Variants in DCC observed in about 807,000 individuals in gnomAD.
DCC encodes DCC netrin 1 receptor.
DCC carries 58 observed loss-of-function variants against 172.5 expected under a neutral mutation model. The ratio of observed to expected loss-of-function variants is 0.34; its 90% CI spans 0.27 to 0.42. The LOEUF is 0.42. DCC is among the 10% of genes least tolerant of loss of function. The pLI, the probability that DCC is intolerant of heterozygous loss-of-function variation, is 1.00. For missense variants in DCC, 1,740 were observed against 1,791.0 expected (o/e 0.97, Z 0.51); for synonymous variants, 709 against 644.5 (o/e 1.10, Z -1.52).
At chr18:52,438,539 A>G (rs1987869762) in intron 1 of DCC, among the ~76,000 whole-genome samples, 1 of 152,248 alleles carries the variant, frequency 6.6e-6, no homozygotes, top group Admixed American at 6.5e-5. Context: ...TAATTGTTCC[A>G]AACAAAAGTT....
At chr18:53,208,078 A>G (rs146127854) in intron 11 of DCC, among the ~76,000 whole-genome samples, 60 of 151,738 alleles carry the variant, frequency 4.0e-4, no homozygotes, top group African/African-American at 1.4e-3. Context: ...CACCTGAACA[A>G]CATAGTGAGA....
At chr18:53,017,663 T>A (rs1338523658) in intron 5 of DCC, among the ~76,000 whole-genome samples, 1 of 152,178 alleles carries the variant, frequency 6.6e-6, no homozygotes, top group Non-Finnish European at 1.5e-5. Flanking sequence ...CTAGGAATTA[T>A]CACTCCTTCT....
chr18:53,075,739 T>C (rs925819181), intron 7 of DCC, among the ~76,000 whole-genome samples: 1 of 152,206 alleles, frequency 6.6e-6, no homozygotes, highest in African/African-American at 2.4e-5. Context: ...ATGTAGATGC[T>C]GTGCTTATAT....
intron 14 of DCC, among the ~76,000 whole-genome samples, chr18:53,330,116 G>A (rs2057513883): frequency 6.6e-6 from 1 of 152,118 alleles, no homozygotes; most frequent in African/African-American, 2.4e-5. Context: ...ATTCAAAACT[G>A]GAAAGGCCCC....
At chr18:52,668,929 C>A (rs1040483844) in intron 1 of DCC, among the ~76,000 whole-genome samples, 1 of 152,174 alleles carries the variant, frequency 6.6e-6, no homozygotes, top group African/African-American at 2.4e-5. Flanking sequence ...CTGTCCGCTG[C>A]CTAGCAGAGC....
At position 52,473,377 on chromosome 18, in the gene DCC, A is replaced by T. The variant is rs935038491; in HGVS notation, c.91+132499A>T. ...TCTCTCAAGTCAATTGGCATCTCCA[A>T]TGATCCATTACCTTCCTCCATTTCT... On this transcript the variant is annotated intron_variant, in intron 1 of 28. Transcript: ENST00000442544. Among the ~76,000 whole-genome samples, 16 of 152,308 alleles carry T rather than the reference A, an allele frequency of 1.1e-4. No homozygotes were observed. In the East Asian group the frequency reaches 3.1e-3, roughly 29 times the overall value.
chr18:53,266,210 T>G (rs532935743), intron 12 of DCC, among the ~76,000 whole-genome samples: 1 of 152,334 alleles, frequency 6.6e-6, no homozygotes, highest in East Asian at 1.9e-4. Flanking sequence ...GTTTCTTTTC[T>G]GTGTACCTCT....
At chr18:52,861,548 C>A (rs553523198) in intron 2 of DCC, among the ~76,000 whole-genome samples, 16 of 152,260 alleles carry the variant, frequency 1.1e-4, no homozygotes, top group Non-Finnish European at 2.1e-4. Context: ...GTAAATATTT[C>A]AGTTTTGCCC....
At chr18:53,158,847 G>T (rs530480505) in intron 8 of DCC, among the ~76,000 whole-genome samples, 126 of 151,870 alleles carry the variant, frequency 8.3e-4, no homozygotes, top group Non-Finnish European at 9.4e-4. Flanking sequence ...CAAAAAATTA[G>T]CTGGGCATGG....
intron 2 of DCC, among the ~76,000 whole-genome samples, chr18:52,808,774 A>G (rs138273077): frequency 1.1e-3 from 161 of 152,300 alleles, no homozygotes; most frequent in African/African-American, 3.2e-3. Context: ...CCTTAAGTTT[A>G]ACCCCATTGT....
At chr18:53,331,252 T>C (rs958711522) in intron 14 of DCC, among the ~76,000 whole-genome samples, 23 of 152,208 alleles carry the variant, frequency 1.5e-4, no homozygotes, top group African/African-American at 5.1e-4. Context: ...AATAGGTCTG[T>C]AGTTTTGAGA....
chr18:52,850,992 T>C lies in DCC; in HGVS notation c.413-55052T>C, dbSNP rs575597580. 1.7e-4 allele frequency among the ~76,000 whole-genome samples: 26 copies of C among 152,170 alleles called. 1 individual carries two copies. Among genetic ancestry groups the C allele is most frequent in the African/African-American group, 4.8e-4 (20 of 41,540 alleles). ...GATATTACCTTTTTGAAAGTTCTTA[T>C]GTTTCTATTAATGAACAATTAAACG... is the stretch of plus-strand genomic sequence containing the variant. On this transcript the variant is annotated intron_variant, in intron 2 of 28. Transcript: ENST00000442544.
chr18:52,692,493 C>T (rs1246456776), intron 1 of DCC, among the ~76,000 whole-genome samples: 1 of 152,068 alleles, frequency 6.6e-6, no homozygotes, highest in Non-Finnish European at 1.5e-5. Flanking sequence ...GGTTGGAGTG[C>T]AGTGATGCAG....
intron 5 of DCC, among the ~76,000 whole-genome samples, chr18:53,030,559 T>C (rs2042013427): frequency 6.6e-6 from 1 of 152,126 alleles, no homozygotes; most frequent in Non-Finnish European, 1.5e-5. Context: ...TTGGACCTAT[T>C]GCTATAGGTC....
chr18:53,444,605 G>C (rs964140400), intron 22 of DCC, among the ~76,000 whole-genome samples: 9 of 152,162 alleles, frequency 5.9e-5, no homozygotes, highest in Non-Finnish European at 1.2e-4. Context: ...GCCTCCATCA[G>C]CAAAAGGTCT....
intron 5 of DCC, among the ~76,000 whole-genome samples, chr18:52,948,657 A>G (rs1383534280): frequency 2.6e-5 from 4 of 152,188 alleles, no homozygotes; most frequent in Non-Finnish European, 4.4e-5. Flanking sequence ...CTGAATCCCT[A>G]TGGGGCACCC....
rs374611407 is a variant in DCC, at chr18:53,079,933, T to C, written c.1261+13767T>C. Among the ~76,000 whole-genome samples the C allele has an allele frequency of 9.9e-5, 15 of 152,170 alleles. No homozygotes were observed. In the East Asian group the frequency reaches 2.7e-3, roughly 27 times the overall value. The stretch of plus-strand genomic sequence containing the variant: ...GGATCACAGAGTATCTTTTAGAATA[T>C]ACAAAGAAAATTGGACTTTTTGTCT... On this transcript the variant is annotated intron_variant, in intron 7 of 28. Coordinates refer to ENST00000442544, the MANE Select transcript of DCC (RefSeq NM_005215.4).
intron 1 of DCC, among the ~76,000 whole-genome samples, chr18:52,494,791 G>A (rs1204206385): frequency 6.6e-6 from 1 of 151,978 alleles, no homozygotes; most frequent in Non-Finnish European, 1.5e-5. Flanking sequence ...CTGGCTCACT[G>A]TGGATCTATT....
At chr18:52,522,977 T>G (rs2031866215) in intron 1 of DCC, among the ~76,000 whole-genome samples, 2 of 152,220 alleles carry the variant, frequency 1.3e-5, no homozygotes, top group Admixed American at 1.3e-4. Flanking sequence ...GGCCACAGAC[T>G]AAAATTATTC....
Sources: gnomAD v4.1 joint callset for allele counts (sites outside exome capture counted in the v4.1 genomes callset) on GRCh38, gnomAD v4.1.1 for gene constraint, MANE v1.5 for transcripts, NCBI Gene and HGNC (gene_info 2026-07-23, HGNC 2026-07-21) for gene names.